PNKD: variants seen among roughly 807,000 people sequenced by gnomAD.
The protein encoded by PNKD is probable thioesterase PNKD.
PNKD carries 36 observed loss-of-function variants against 45.3 expected under a neutral mutation model. The observed-to-expected ratio is 0.80, with a 90% CI of 0.61 to 1.05. PNKD has a LOEUF of 1.05. PNKD is among the 50% of genes least tolerant of loss of function. PNKD has a pLI of 0.00. For synonymous variants in PNKD, 197 were observed against 210.1 expected, an observed-to-expected ratio of 0.94 and a Z score of 0.54; for missense variants, 511 against 506.6, an observed-to-expected ratio of 1.01 and a Z score of -0.08.
At chr2:218,314,215 G>A (rs965705497) in intron 2 of PNKD, among the ~76,000 whole-genome samples, 3 of 119,210 alleles carry the variant, frequency 2.5e-5, no homozygotes, top group African/African-American at 4.0e-5. Flanking sequence ...GAGCCACCGC[G>A]CCCTGGCTTT....
At chr2:218,301,848 GATTT>G (rs1693281696) in intron 2 of PNKD, among the ~76,000 whole-genome samples, 1 of 152,150 alleles carries the variant, frequency 6.6e-6, no homozygotes. Context: ...ATACCATTAA[GATTT>G]ATTTAACAAG....
intron 2 of PNKD, among the ~76,000 whole-genome samples, chr2:218,306,193 C>T (rs527794052): frequency 1.3e-5 from 2 of 152,222 alleles, no homozygotes; most frequent in East Asian, 3.9e-4. Context: ...GAGACCATGT[C>T]GCTAAAACAA....
rs751214516 is a variant in PNKD, at chr2:218,345,059, C to T, written c.*78C>T. 14 of 1,135,708 alleles carry T rather than the reference C, an allele frequency of 1.2e-5. No individual in the cohort carries two copies. In the African/African-American group the frequency reaches 1.4e-4, roughly 11 times the overall value. The allele number at this position is 1,135,708 out of a possible 1,614,324, so 70.4% of individuals were successfully genotyped here. On this transcript the variant is annotated 3_prime_UTR_variant, in exon 10 of 10. Coordinates refer to ENST00000273077, the MANE Select transcript of PNKD (RefSeq NM_015488.5). Reference sequence around the variant, plus strand: ...ACCAACACCTCATCATCCTTCTCATCGCTAACACCACCACCTCCATCGGCA... The same window carrying T: ...ACCAACACCTCATCATCCTTCTCATTGCTAACACCACCACCTCCATCGGCA...
chr2:218,277,309 C>G (rs1008726667), intron 2 of PNKD: 1 of 1,522,490 alleles, frequency 6.6e-7, no homozygotes, highest in Admixed American at 1.7e-5. Flanking sequence ...TGCCGGGGTC[C>G]GGGCCTGATA....
In PNKD at chr2:218,340,597, C is replaced by T. The variant is rs1319018787; in HGVS notation, c.466-131C>T. The T allele has an allele frequency of 4.0e-6, 3 of 756,126 alleles. No individual in the cohort carries two copies. Among genetic ancestry groups the T allele is most frequent in the Admixed American group, 3.8e-5 (2 of 53,146 alleles). The allele number at this position is 756,126 out of a possible 1,614,324, so 46.8% of individuals were successfully genotyped here. A position where few individuals can be genotyped will look rare whatever the true frequency, so the allele number is the denominator to read the frequency against. ...TTCCTGGATCTCTCCCCTCCAGCTC[C>T]ATCCCTTTCCTCTGCTTCATCTCTC... is the stretch of plus-strand genomic sequence containing the variant. On this transcript the variant is annotated intron_variant, in intron 4 of 9. Transcript: ENST00000273077. The surrounding 1 kb of genome is among the most constrained non-coding windows in gnomAD (Gnocchi z 4.2).
chr2:218,305,000 G>A (rs1693370075), intron 2 of PNKD, among the ~76,000 whole-genome samples: 3 of 152,206 alleles, frequency 2.0e-5, no homozygotes, highest in East Asian at 1.9e-4. Flanking sequence ...TTGAACCTGG[G>A]AGGTAGAGGT....
intron 2 of PNKD, among the ~76,000 whole-genome samples, chr2:218,333,291 C>T (rs1049085896): frequency 2.0e-5 from 3 of 152,208 alleles, no homozygotes; most frequent in Non-Finnish European, 4.4e-5. Context: ...AAGGAGGGGC[C>T]TTGTTTACTG....
chr2:218,293,957 T>C (rs945607246), intron 2 of PNKD, among the ~76,000 whole-genome samples: 1 of 151,544 alleles, frequency 6.6e-6, no homozygotes, highest in Non-Finnish European at 1.5e-5. Flanking sequence ...AAAGACAGAT[T>C]TTTAAAAACT....
chr2:218,308,722 G>T (rs144496504), intron 2 of PNKD, among the ~76,000 whole-genome samples: 443 of 151,902 alleles, frequency 2.9e-3, no homozygotes, highest in African/African-American at 9.9e-3. Context: ...GAGTAGCTGG[G>T]ATTACAGGAG....
chr2:218,271,084 T>C (rs1230039702), intron 1 of PNKD: 1 of 527,814 alleles, frequency 1.9e-6, no homozygotes, highest in Admixed American at 3.2e-5. Flanking sequence ...TCATACGTCT[T>C]ATGTGAGTCC....
chr2:218,342,078 G>A lies in PNKD; in HGVS notation c.715G>A (p.Asp239Asn), dbSNP rs1264755837. ...ACAAGGCCATCTGGTCTACCTACTG[G>A]ATGGGGAGCCCTACAAGGGTCCCTC... is the stretch of plus-strand genomic sequence containing the variant. ...HTQGHLVYLLDGEPYKGPSCL... is the reference protein window; with the variant it reads ...HTQGHLVYLLNGEPYKGPSCL... Residue 239 changes from aspartate (D) to asparagine (N), a missense_variant, in exon 7 of 10, where the codon GAT becomes AAT. Coordinates refer to ENST00000273077, the MANE Select transcript of PNKD (RefSeq NM_015488.5). The A allele has an allele frequency of 1.9e-6, 3 of 1,613,676 alleles. No homozygotes were observed. In the African/African-American group the frequency reaches 4.0e-5, roughly 22 times the overall value.
chr2:218,282,590 G>A (rs1285317679), intron 2 of PNKD, among the ~76,000 whole-genome samples: 1 of 152,224 alleles, frequency 6.6e-6, no homozygotes, highest in Non-Finnish European at 1.5e-5. Context: ...AGGGCCAGCT[G>A]GGACCCTCTG....
At position 218,341,966 on chromosome 2, in the gene PNKD, T is replaced by C. The variant is rs748077343; in HGVS notation, c.618-15T>C. On this transcript the variant is annotated splice_polypyrimidine_tract_variant and intron_variant, in intron 6 of 9. Transcript: ENST00000273077. ...AGATCCAATACCTTCTGTCCCCTGC[T>C]CCCTTGTTCCCCAGTCCCCTGTGTC... 1.2e-6 allele frequency: 2 copies of C among 1,606,686 alleles called. No individual in the cohort carries two copies. The highest frequency in any genetic ancestry group is 1.7e-6 in the Non-Finnish European group (2 of 1,173,192).
intron 2 of PNKD, among the ~76,000 whole-genome samples, chr2:218,324,667 G>A (rs1237706604): frequency 1.3e-5 from 2 of 152,122 alleles, no homozygotes; most frequent in Admixed American, 6.5e-5. Context: ...AGGTGCGGTG[G>A]CTCACGCCTG....
intron 2 of PNKD, among the ~76,000 whole-genome samples, chr2:218,313,507 C>T (rs1001119043): frequency 6.6e-6 from 1 of 152,118 alleles, no homozygotes; most frequent in Non-Finnish European, 1.5e-5. Flanking sequence ...TTCAGGATCA[C>T]GTACTGCATT....
chr2:218,279,591 TG>T lies in PNKD; in HGVS notation c.236+8043del, dbSNP rs572861889. 298 of 512,446 alleles carry T rather than the reference TG, an allele frequency of 5.8e-4. 5 individuals are homozygous for T. The South Asian group carries it at 7.9e-3, about 14-fold the overall frequency. The allele number at this position is 512,446 out of a possible 1,614,324, so 31.7% of individuals were successfully genotyped here. On this transcript the variant is annotated intron_variant, in intron 2 of 9. Coordinates refer to ENST00000273077, the MANE Select transcript of PNKD (RefSeq NM_015488.5). ...ACACCAGCCTCGGTGACTACTGACTTGCCCTGCCTGGCCACCATACTCTACC... is the reference window on the plus strand; with the variant it reads ...ACACCAGCCTCGGTGACTACTGACTTCCCTGCCTGGCCACCATACTCTACC...
At chr2:218,283,508 G>T (rs1312301620) in intron 2 of PNKD, among the ~76,000 whole-genome samples, 1 of 152,164 alleles carries the variant, frequency 6.6e-6, no homozygotes, top group African/African-American at 2.4e-5. Context: ...AGCCCTGGCA[G>T]TCTGGGCTCG....
intron 2 of PNKD, chr2:218,279,880 C>A: frequency 1.5e-6 from 1 of 669,252 alleles, no homozygotes; most frequent in South Asian, 1.7e-5. Context: ...GCCAGGTGCC[C>A]CTCTGAGAAG....
chr2:218,287,683 CT>C (rs1368425024), intron 2 of PNKD, among the ~76,000 whole-genome samples: 1 of 152,132 alleles, frequency 6.6e-6, no homozygotes, highest in African/African-American at 2.4e-5. Context: ...GCACTCCAGC[CT>C]GGGCAACAAG....
Sources: allele counts gnomAD v4.1 joint callset (sites outside exome capture counted in the v4.1 genomes callset), GRCh38; gene constraint gnomAD v4.1.1; non-coding constraint Gnocchi (gnomAD v3.1); transcripts MANE v1.5; gene names NCBI Gene and HGNC (gene_info 2026-07-23, HGNC 2026-07-21).